Variants in ST7L observed in about 807,000 individuals in gnomAD.
The protein encoded by ST7L is suppressor of tumorigenicity 7 protein-like.
A neutral mutation model predicts 72.5 loss-of-function variants in ST7L; 57 were observed. The ratio of observed to expected loss-of-function variants is 0.79; its 90% CI spans 0.64 to 0.98. ST7L has a LOEUF of 0.98. Among genes scored for constraint, ST7L ranks in the 50% least tolerant of loss-of-function variants. The pLI, the probability that ST7L is intolerant of heterozygous loss-of-function variation, is 0.00. For synonymous variants in ST7L, 221 were observed against 240.9 expected (o/e 0.92, Z 0.77); for missense variants, 576 against 672.2 (o/e 0.86, Z 1.58).
intron 4 of ST7L, 25 bp downstream of exon 4, chr1:112,600,768 CT>C: frequency 1.3e-6 from 2 of 1,599,898 alleles, no homozygotes; most frequent in Non-Finnish European, 8.5e-7. Context: ...CAATGCCCTA[CT>C]TATACTGAAA....
At chr1:112,618,820 G>C in intron 1 of ST7L, 89 bp downstream of exon 1, 1 of 1,507,306 alleles carries the variant, frequency 6.6e-7, no homozygotes, top group Middle Eastern at 1.9e-4. Context: ...AGGCCCTCTA[G>C]GACTACCGAG....
At chr1:112,575,952 A>G (rs977939196) in intron 11 of ST7L, among the ~76,000 whole-genome samples, 2 of 152,192 alleles carry the variant, frequency 1.3e-5, no homozygotes. Flanking sequence ...TTAGCAATTA[A>G]TCTCTTTACT....
At chr1:112,608,193 T>C (rs913505821) in intron 3 of ST7L, among the ~76,000 whole-genome samples, 4 of 152,020 alleles carry the variant, frequency 2.6e-5, no homozygotes, top group Non-Finnish European at 4.4e-5. Context: ...ACTGATTTTA[T>C]TTTTTGTAGA....
At chr1:112,612,576 A>G (rs150860081) in intron 2 of ST7L, among the ~76,000 whole-genome samples, 73 of 152,192 alleles carry the variant, frequency 4.8e-4, no homozygotes, top group African/African-American at 1.7e-3. Flanking sequence ...TACATGCCAC[A>G]ACGTTTATAG....
intron 11 of ST7L, among the ~76,000 whole-genome samples, chr1:112,565,189 C>A (rs991310920): frequency 1.4e-5 from 2 of 146,376 alleles, no homozygotes; most frequent in Non-Finnish European, 3.0e-5. Context: ...GGATTACAGG[C>A]GCCCACCACC....
At chr1:112,574,213 G>A (rs1194948719) in intron 11 of ST7L, among the ~76,000 whole-genome samples, 19 of 142,198 alleles carry the variant, frequency 1.3e-4, no homozygotes, top group Non-Finnish European at 1.1e-4. Flanking sequence ...CACTGCGCCC[G>A]GACTTTTTTT....
At chr1:112,614,888 A>G (rs949910261) in intron 2 of ST7L, among the ~76,000 whole-genome samples, 1 of 152,264 alleles carries the variant, frequency 6.6e-6, no homozygotes, top group Non-Finnish European at 1.5e-5. Flanking sequence ...CAAAGTGTAC[A>G]CTAGTAAACA....
intron 14 of ST7L, among the ~76,000 whole-genome samples, chr1:112,535,082 T>C (rs1045259496): frequency 1.3e-5 from 2 of 152,084 alleles, no homozygotes; most frequent in African/African-American, 4.8e-5. Flanking sequence ...CGTTAAACGG[T>C]ATATTGTTGG....
In ST7L at chr1:112,617,895, TAC is replaced by T. The variant is rs1056331538; in HGVS notation, c.206-1002_206-1001del. 9.3e-6 allele frequency: 8 copies of T among 861,608 alleles called. No homozygotes were observed. In the Admixed American group the frequency reaches 2.0e-4, roughly 21 times the overall value. 53.4% of individuals were successfully genotyped at this position (861,608 alleles called of 1,614,324 possible). On this transcript the variant is annotated intron_variant, in intron 1 of 14. Transcript: ENST00000358039. ...ACCGTTAAGCACTTCATTCACCTGT[TAC>T]AGAGATGCCAAATTAGCTCTTCAGT...
At chr1:112,605,286 G>A (rs7517841) in intron 3 of ST7L, among the ~76,000 whole-genome samples, 346 of 152,082 alleles carry the variant, frequency 2.3e-3, no homozygotes, top group African/African-American at 7.9e-3. Context: ...ACAGCTACTC[G>A]GGAGGCTGAG....
chr1:112,599,127 TACACACACACACACACAC>T (rs71084480), intron 4 of ST7L, among the ~76,000 whole-genome samples: 17 of 103,848 alleles, frequency 1.6e-4, no homozygotes, highest in Non-Finnish European at 2.9e-4. Context: ...TGTGTGTGTA[TACACACACACACACACAC>T]ACACACACAC....
chr1:112,618,711 A>T, intron 1 of ST7L, 198 bp downstream of exon 1: 1 of 1,202,174 alleles, frequency 8.3e-7, no homozygotes, highest in Non-Finnish European at 1.1e-6. Flanking sequence ...TAAGAGTTCT[A>T]CGGAGGAGCC....
chr1:112,607,962 G>A (rs994510901), intron 3 of ST7L, among the ~76,000 whole-genome samples: 2 of 152,098 alleles, frequency 1.3e-5, no homozygotes, highest in Non-Finnish European at 2.9e-5. Context: ...TATTGAATAA[G>A]ATGAAGTTAT....
At chr1:112,591,461 C>A (rs1665708476) in intron 6 of ST7L, 64 bp downstream of exon 6, 1 of 1,367,078 alleles carries the variant, frequency 7.3e-7, no homozygotes, top group African/African-American at 1.4e-5. Flanking sequence ...ACAAAGGAGA[C>A]ATAAAAATCA....
intron 11 of ST7L, among the ~76,000 whole-genome samples, chr1:112,567,192 T>C (rs1490049025): frequency 6.6e-6 from 1 of 152,232 alleles, no homozygotes; most frequent in East Asian, 1.9e-4. Context: ...ATTTCTCTCA[T>C]AACTAATGAT....
chr1:112,561,327 G>C (rs1660086515), intron 11 of ST7L, among the ~76,000 whole-genome samples: 1 of 145,318 alleles, frequency 6.9e-6, no homozygotes, highest in East Asian at 2.0e-4. Context: ...AGCTACTCAG[G>C]AGGCTAAGGC....
At chr1:112,549,249 C>T (rs1461175115) in intron 13 of ST7L, among the ~76,000 whole-genome samples, 2 of 151,974 alleles carry the variant, frequency 1.3e-5, no homozygotes, top group Admixed American at 6.6e-5. Flanking sequence ...AAAAATTAGC[C>T]GGGCATGGTG....
chr1:112,576,396 C>A (rs1289999647), intron 11 of ST7L, among the ~76,000 whole-genome samples: 1 of 152,086 alleles, frequency 6.6e-6, no homozygotes, highest in Non-Finnish European at 1.5e-5. Context: ...CCAGCCCAAA[C>A]CCCAAAATTT....
At chr1:112,542,184 A>C (rs1656211681) in intron 13 of ST7L, 94 bp from the exon 14 acceptor site, 3 of 1,278,996 alleles carry the variant, frequency 2.3e-6, no homozygotes, top group Non-Finnish European at 2.1e-6. Context: ...TTAAAAATTA[A>C]AAAGAAAAAA....
Sources: allele counts gnomAD v4.1 joint callset (sites outside exome capture counted in the v4.1 genomes callset), GRCh38; gene constraint gnomAD v4.1.1; transcripts MANE v1.5; gene names NCBI Gene and HGNC (gene_info 2026-07-23, HGNC 2026-07-21).